RHBDD1: variants seen among roughly 807,000 people sequenced by gnomAD.
RHBDD1 encodes the protein rhomboid-related protein 4.
RHBDD1 carries 38 observed loss-of-function variants against 36.3 expected under a neutral mutation model. The observed-to-expected ratio is 1.05, with a 90% CI of 0.81 to 1.37. The LOEUF (loss-of-function observed/expected upper bound fraction) is 1.37. Ranked by LOEUF, RHBDD1 falls within the 40% of genes most tolerant of loss-of-function variation. RHBDD1 has a pLI of 0.00. For missense variants in RHBDD1, 393 were observed against 377.6 expected, an observed-to-expected ratio of 1.04 and a Z score of -0.34; for synonymous variants, 151 against 136.5, an observed-to-expected ratio of 1.11 and a Z score of -0.74.
chr2:226,975,183 A>G (rs976601906), intron 8 of RHBDD1, among the ~76,000 whole-genome samples: 6 of 152,226 alleles, frequency 3.9e-5, no homozygotes, highest in African/African-American at 1.2e-4. Context: ...ATGATAAATG[A>G]GAATAAAGAG....
At chr2:226,820,563 T>C in the RHBDD1 span, among the ~76,000 whole-genome samples, 2 of 147,966 alleles carry the variant, frequency 1.4e-5, no homozygotes, top group Non-Finnish European at 3.0e-5. Flanking sequence ...ATCCCAAAAC[T>C]TTGGGAGGCT....
At chr2:226,803,322 G>T in the RHBDD1 span, among the ~76,000 whole-genome samples, 2 of 151,944 alleles carry the variant, frequency 1.3e-5, no homozygotes, top group African/African-American at 2.4e-5. Flanking sequence ...GTGTGTGTGT[G>T]TGTGTGTGTG....
At chr2:226,928,004 A>G (rs1949779929) in intron 8 of RHBDD1, among the ~76,000 whole-genome samples, 1 of 152,064 alleles carries the variant, frequency 6.6e-6, no homozygotes. Context: ...TGTATCTAAG[A>G]ATCTTTTGAT....
chr2:226,925,217 T>A (rs991632671), intron 8 of RHBDD1, among the ~76,000 whole-genome samples: 1 of 152,224 alleles, frequency 6.6e-6, no homozygotes, highest in Non-Finnish European at 1.5e-5. Context: ...CCTTCAGTGA[T>A]TCCTTGACTA....
chr2:226,978,965 A>C (rs1259172114), intron 8 of RHBDD1, among the ~76,000 whole-genome samples: 1 of 152,186 alleles, frequency 6.6e-6, no homozygotes, highest in Non-Finnish European at 1.5e-5. Context: ...CTTCAGAGGG[A>C]CAGAAACCAA....
intron 5 of RHBDD1, among the ~76,000 whole-genome samples, chr2:226,883,769 TAAAG>T (rs1168231168): frequency 6.6e-6 from 1 of 152,164 alleles, no homozygotes; most frequent in East Asian, 1.9e-4. Flanking sequence ...TTTTAAAAAT[TAAAG>T]AAAAGGCCTA....
intron 5 of RHBDD1, among the ~76,000 whole-genome samples, chr2:226,876,513 C>G (rs1305047970): frequency 6.6e-6 from 1 of 152,184 alleles, no homozygotes; most frequent in African/African-American, 2.4e-5. Context: ...GTAATTATTA[C>G]TTCTACCACT....
chr2:226,857,277 A>G (rs1943423247), intron 3 of RHBDD1, among the ~76,000 whole-genome samples: 3 of 152,164 alleles, frequency 2.0e-5, no homozygotes, highest in Non-Finnish European at 4.4e-5. Context: ...GTAAAAAAAG[A>G]TGGATAAATA....
chr2:226,978,699 A>G (rs935550945), intron 8 of RHBDD1, among the ~76,000 whole-genome samples: 1 of 152,236 alleles, frequency 6.6e-6, no homozygotes, highest in Non-Finnish European at 1.5e-5. Flanking sequence ...TAGATTCACG[A>G]GTAATCACTA....
At chr2:226,879,115 A>T (rs1233816645) in intron 5 of RHBDD1, among the ~76,000 whole-genome samples, 2 of 151,796 alleles carry the variant, frequency 1.3e-5, no homozygotes, top group Non-Finnish European at 2.9e-5. Context: ...TTAGTGTTAC[A>T]TATAGAAAGG....
chr2:226,818,315 A>T, the RHBDD1 span, among the ~76,000 whole-genome samples: 3 of 149,130 alleles, frequency 2.0e-5, no homozygotes, highest in African/African-American at 7.4e-5. Flanking sequence ...GCCCGCCACC[A>T]CACCTGGCTA....
intron 1 of RHBDD1, 131 bp from the exon 2 acceptor site, chr2:226,837,942 G>A (rs1257265157): frequency 1.3e-5 from 2 of 152,124 alleles, no homozygotes; most frequent in East Asian, 3.8e-4. Flanking sequence ...CCCATATGTC[G>A]TACAACTCCA....
At chr2:226,842,239 T>G (rs1941720454) in intron 3 of RHBDD1, among the ~76,000 whole-genome samples, 1 of 152,196 alleles carries the variant, frequency 6.6e-6, no homozygotes, top group Admixed American at 6.5e-5. Context: ...TTCTGTAGGT[T>G]GTCTGTTCAC....
At chr2:226,829,174 T>C in the RHBDD1 span, among the ~76,000 whole-genome samples, 59 of 152,324 alleles carry the variant, frequency 3.9e-4, no homozygotes, top group African/African-American at 1.4e-3. Flanking sequence ...AGCAATTTTG[T>C]TGAAAATCAA....
intron 5 of RHBDD1, among the ~76,000 whole-genome samples, chr2:226,902,452 G>A (rs929217405): frequency 1.3e-5 from 2 of 152,178 alleles, no homozygotes; most frequent in African/African-American, 4.8e-5. Flanking sequence ...CCTGTCTGCA[G>A]GTCCATCTAT....
Position 226,995,712 on chromosome 2 carries a change from C to G in RHBDD1, c.*190C>G, listed in dbSNP as rs1959182803. On this transcript the variant is annotated 3_prime_UTR_variant, in exon 9 of 9. Transcript: ENST00000392062. ...CAACTCACAGCTTGCGGGGAGTGGG[C>G]CTTCTCCTGGCCTTGTTCTTGCTCA... 1.7e-6 allele frequency: 1 copy of G among 595,878 alleles called. No individual in the cohort carries two copies. Among genetic ancestry groups the G allele is most frequent in the Non-Finnish European group, 3.0e-6 (1 of 333,798 alleles). 36.9% of individuals were successfully genotyped at this position (595,878 alleles called of 1,614,324 possible).
At chr2:226,871,021 T>C (rs1319453123) in intron 5 of RHBDD1, among the ~76,000 whole-genome samples, 1 of 152,186 alleles carries the variant, frequency 6.6e-6, no homozygotes, top group Non-Finnish European at 1.5e-5. Flanking sequence ...CTGAAAGCAT[T>C]ACCCCCTAGG....
intron 3 of RHBDD1, among the ~76,000 whole-genome samples, chr2:226,853,792 C>T (rs535130553): frequency 9.9e-4 from 151 of 152,266 alleles, no homozygotes; most frequent in Non-Finnish European, 1.5e-3. Context: ...TTATTAAGCA[C>T]GTTGGACAGA....
intron 8 of RHBDD1, among the ~76,000 whole-genome samples, chr2:226,981,298 T>G (rs1259262902): frequency 1.3e-5 from 2 of 152,156 alleles, no homozygotes; most frequent in Non-Finnish European, 1.5e-5. Flanking sequence ...CGGGCCAGCA[T>G]GGCACATGTA....
Sources: allele counts gnomAD v4.1 joint callset (sites outside exome capture counted in the v4.1 genomes callset), GRCh38; gene constraint gnomAD v4.1.1; transcripts MANE v1.5; gene names NCBI Gene and HGNC (gene_info 2026-07-23, HGNC 2026-07-21).